The following RAPGEF2 variants were observed in gnomAD, a reference collection of about 807,000 sequenced individuals.
RAPGEF2 encodes the protein PDZ domain containing guanine nucleotide exchange factor (GEF) 1.
In RAPGEF2, 54 loss-of-function variants were observed where a neutral mutation model predicts 186.7. The ratio of observed to expected loss-of-function variants is 0.29; its 90% CI spans 0.23 to 0.36. The LOEUF (loss-of-function observed/expected upper bound fraction) is 0.36, where lower values mean the gene tolerates loss of function less well. Ranked by LOEUF, RAPGEF2 falls within the 10% of genes least tolerant of loss-of-function variation. RAPGEF2 has a pLI of 1.00. For missense variants in RAPGEF2, 1,532 were observed against 2,045.0 expected (o/e 0.75, Z 4.84); for synonymous variants, 712 against 705.9 (o/e 1.01, Z -0.14).
At chr4:159,150,144 T>G (rs1183545879) in intron 1 of RAPGEF2, among the ~76,000 whole-genome samples, 1 of 140,052 alleles carries the variant, frequency 7.1e-6, no homozygotes, top group African/African-American at 3.3e-5. Flanking sequence ...TAACAGTATA[T>G]AACAGTATAT....
intron 1 of RAPGEF2, among the ~76,000 whole-genome samples, chr4:159,170,473 A>G (rs1745794811): frequency 6.6e-6 from 1 of 152,208 alleles, no homozygotes; most frequent in Non-Finnish European, 1.5e-5. Flanking sequence ...AACACCAACT[A>G]TTCACATAGT....
At chr4:159,260,505 A>G (rs1579652046) in intron 7 of RAPGEF2, among the ~76,000 whole-genome samples, 1 of 152,120 alleles carries the variant, frequency 6.6e-6, no homozygotes, top group Non-Finnish European at 1.5e-5. Context: ...GCCATGTTAG[A>G]TAAGACCACC....
At chr4:159,269,371 G>A (rs1008060633) in intron 7 of RAPGEF2, among the ~76,000 whole-genome samples, 11 of 152,124 alleles carry the variant, frequency 7.2e-5, no homozygotes, top group Non-Finnish European at 1.6e-4. Flanking sequence ...CGAGAGCCCA[G>A]CCCGTTACCA....
intron 1 of RAPGEF2, among the ~76,000 whole-genome samples, chr4:159,113,090 A>C (rs1194680706): frequency 2.6e-5 from 4 of 152,206 alleles, no homozygotes; most frequent in Admixed American, 2.6e-4. Context: ...ATTCCCTGAA[A>C]GTATTGAGGG....
intron 4 of RAPGEF2, among the ~76,000 whole-genome samples, chr4:159,223,678 C>G (rs2111411335): frequency 6.6e-6 from 1 of 152,284 alleles, no homozygotes; most frequent in South Asian, 2.1e-4. Context: ...TGTATATACT[C>G]TAGCGTATAC....
chr4:159,263,115 C>T (rs548261316), intron 7 of RAPGEF2, among the ~76,000 whole-genome samples: 1 of 152,200 alleles, frequency 6.6e-6, no homozygotes, highest in Admixed American at 6.5e-5. Context: ...CCCAGATTTC[C>T]TCTGTGACTG....
intron 7 of RAPGEF2, among the ~76,000 whole-genome samples, chr4:159,272,912 A>G (rs1206593047): frequency 6.6e-6 from 1 of 152,212 alleles, no homozygotes; most frequent in Admixed American, 6.5e-5. Context: ...CTATCTTTCA[A>G]CTGGAACAGA....
At chr4:159,319,731 C>T (rs1230760506) in intron 9 of RAPGEF2, among the ~76,000 whole-genome samples, 1 of 151,106 alleles carries the variant, frequency 6.6e-6, no homozygotes, top group African/African-American at 2.4e-5. Context: ...CTCCTTTATT[C>T]TTACAATATA....
intron 1 of RAPGEF2, among the ~76,000 whole-genome samples, chr4:159,107,079 TAATC>T (rs1737967585): frequency 6.6e-6 from 1 of 152,216 alleles, no homozygotes; most frequent in African/African-American, 2.4e-5. Context: ...AGGAAAACTC[TAATC>T]CAATGTGTGT....
At chr4:159,154,305 A>G (rs1193368225) in intron 1 of RAPGEF2, among the ~76,000 whole-genome samples, 1 of 152,196 alleles carries the variant, frequency 6.6e-6, no homozygotes, top group African/African-American at 2.4e-5. Flanking sequence ...GATCAGATGT[A>G]GAAAGGACAG....
intron 28 of RAPGEF2, 102 bp from the exon 29 acceptor site, chr4:159,355,751 C>T (rs1222105382): frequency 1.8e-6 from 2 of 1,121,572 alleles, no homozygotes; most frequent in East Asian, 2.6e-5. Flanking sequence ...TGCACATCTG[C>T]TGCTACACTG....
intron 4 of RAPGEF2, among the ~76,000 whole-genome samples, chr4:159,227,638 G>A (rs1018413080): frequency 3.9e-5 from 6 of 152,146 alleles, no homozygotes; most frequent in Admixed American, 6.5e-5. Flanking sequence ...GTTTGGTCAC[G>A]AGGACATAGA....
intron 1 of RAPGEF2, among the ~76,000 whole-genome samples, chr4:159,174,273 G>T (rs1746218594): frequency 6.6e-6 from 1 of 152,192 alleles, no homozygotes; most frequent in Admixed American, 6.5e-5. Flanking sequence ...AAAACTGCCT[G>T]TGACTTCTGT....
chr4:159,227,571 T>C (rs1252670816), intron 4 of RAPGEF2, among the ~76,000 whole-genome samples: 1 of 152,232 alleles, frequency 6.6e-6, no homozygotes, highest in Admixed American at 6.5e-5. Context: ...GAGACCTGTT[T>C]GTGCCACTGT....
Position 159,198,342 on chromosome 4 carries a change from TTCTC to T in RAPGEF2, c.197+5092_197+5095del, listed in dbSNP as rs1425244635. Among the ~76,000 whole-genome samples the T allele has an allele frequency of 1.3e-3, 178 of 141,926 alleles. 4 individuals carry two copies. The highest frequency in any genetic ancestry group is 1.9e-3 in the Non-Finnish European group (125 of 65,238). 93.1% of individuals were successfully genotyped at this position (141,926 alleles called of 152,430 possible). On this transcript the variant is annotated intron_variant, in intron 3 of 29. Coordinates refer to ENST00000691494, the MANE Select transcript of RAPGEF2 (RefSeq NM_001394067.2). ...TCTTTCTTTCTTTCTTTCTTTTTCT[TTCTC>T]TCTCTTTCCTTCCTTCCTTTTTTTC...
rs1361204870 is a variant in RAPGEF2 at position 159,330,763 on chromosome 4, T to G, written c.1467+265T>G. On this transcript the variant is annotated intron_variant, in intron 13 of 29. Coordinates refer to ENST00000691494, the MANE Select transcript of RAPGEF2 (RefSeq NM_001394067.2). The stretch of plus-strand genomic sequence containing the variant: ...GCCACCAAATGTTTAAACATTTTTT[T>G]AAGTTCTGTTGGGAGTGTGTTAAAA... 13 of 356,516 alleles carry G rather than the reference T, an allele frequency of 3.6e-5. No homozygotes were observed. In the East Asian group the frequency reaches 9.2e-4, roughly 25 times the overall value. 22.1% of individuals were successfully genotyped at this position (356,516 alleles called of 1,614,324 possible).
chr4:159,238,579 GA>G (rs1753580230), intron 4 of RAPGEF2, among the ~76,000 whole-genome samples: 1 of 152,058 alleles, frequency 6.6e-6, no homozygotes, highest in Non-Finnish European at 1.5e-5. Flanking sequence ...TTATTAATTT[GA>G]AAATATTATG....
chr4:159,229,882 A>C (rs796637893), intron 4 of RAPGEF2, among the ~76,000 whole-genome samples: 3 of 152,250 alleles, frequency 2.0e-5, no homozygotes, highest in African/African-American at 7.2e-5. Context: ...TCTTTTCAAT[A>C]ATCATTTACT....
At chr4:159,295,742 TGTGTGTGTGTGTGCGCGCGCGCGCGC>T (rs1484594942) in intron 7 of RAPGEF2, among the ~76,000 whole-genome samples, 14 of 133,504 alleles carry the variant, frequency 1.0e-4, no homozygotes, top group Non-Finnish European at 1.4e-4. Context: ...TGTGTGTGTG[TGTGTGTGTGTGTGCGCGCGCGCGCGC>T]GCGCGCATGC....
Sources: allele counts gnomAD v4.1 joint callset (sites outside exome capture counted in the v4.1 genomes callset), GRCh38; gene constraint gnomAD v4.1.1; transcripts MANE v1.5; gene names NCBI Gene and HGNC (gene_info 2026-07-23, HGNC 2026-07-21).